The following COL26A1 variants were observed in gnomAD, a reference collection of about 807,000 sequenced individuals.
COL26A1 encodes the protein collagen type XXVI alpha 1 chain.
In COL26A1, 41 loss-of-function variants were observed where a neutral mutation model predicts 59.3. The observed-to-expected ratio is 0.69, with a 90% CI of 0.54 to 0.90. The LOEUF (loss-of-function observed/expected upper bound fraction) is 0.90. COL26A1 is among the 40% of genes least tolerant of loss of function. The pLI is 0.00. For synonymous variants in COL26A1, 266 were observed against 256.0 expected, an observed-to-expected ratio of 1.04 and a Z score of -0.37; for missense variants, 612 against 602.3, an observed-to-expected ratio of 1.02 and a Z score of -0.17.
intron 3 of COL26A1, among the ~76,000 whole-genome samples, chr7:101,494,213 G>T (rs1794532559): frequency 6.6e-6 from 1 of 151,492 alleles, no homozygotes; most frequent in Non-Finnish European, 1.5e-5. Flanking sequence ...TGCAAACTCC[G>T]CTGTCTGGCT....
Position 101,381,612 on chromosome 7 carries a change from G to A in COL26A1, c.158+18422G>A, listed in dbSNP as rs920855295. Among the ~76,000 whole-genome samples, 7 of 152,290 alleles carry A rather than the reference G, an allele frequency of 4.6e-5. No individual in the cohort carries two copies. The East Asian group carries it at 5.8e-4, about 13-fold the overall frequency. ...GGGCAAAGAGAGGGAGAGAAAGAGCGAGAGATTAAACTCTAAGCCTCAAGC... is the reference window on the plus strand; with the variant it reads ...GGGCAAAGAGAGGGAGAGAAAGAGCAAGAGATTAAACTCTAAGCCTCAAGC... On this transcript the variant is annotated intron_variant, in intron 1 of 12. Coordinates refer to ENST00000313669, the MANE Select transcript of COL26A1 (RefSeq NM_001278563.3).
chr7:101,429,588 ACT>A (rs1792729554), intron 2 of COL26A1, among the ~76,000 whole-genome samples: 2 of 49,890 alleles, frequency 4.0e-5, no homozygotes, highest in South Asian at 6.0e-4. Context: ...TTTCTTTTTT[ACT>A]TTTTTTTTTT....
At chr7:101,363,468 TGG>T (rs1790953891) in intron 1 of COL26A1, among the ~76,000 whole-genome samples, 1 of 73,876 alleles carries the variant, frequency 1.4e-5, no homozygotes, top group Non-Finnish European at 2.5e-5. Context: ...TGGCGGTGGC[TGG>T]GGGTTGGGGT....
chr7:101,528,737 C>T (rs2130629659), intron 3 of COL26A1, among the ~76,000 whole-genome samples: 1 of 152,254 alleles, frequency 6.6e-6, no homozygotes, highest in East Asian at 1.9e-4. Flanking sequence ...TTTGTACAGA[C>T]AGGGTCTCAC....
intron 3 of COL26A1, among the ~76,000 whole-genome samples, chr7:101,451,806 G>A (rs893562155): frequency 6.6e-6 from 1 of 151,146 alleles, no homozygotes; most frequent in African/African-American, 2.4e-5. Context: ...CTGGGTTCAA[G>A]CGATTGTCCC....
intron 3 of COL26A1, among the ~76,000 whole-genome samples, chr7:101,491,686 G>GT (rs991584969): frequency 6.6e-6 from 1 of 152,164 alleles, no homozygotes; most frequent in Admixed American, 6.5e-5. Context: ...CATGGTGCTG[G>GT]TGGGAGTGTA....
chr7:101,465,236 C>T lies in COL26A1; in HGVS notation c.385+17449C>T, dbSNP rs368577271. ...TAAATTTTTCACAGAGGTAGGTTCT[C>T]GCTATGTTGCTGAGGCTGCTCTCCA... On this transcript the variant is annotated intron_variant, in intron 3 of 12. Coordinates refer to ENST00000313669, the MANE Select transcript of COL26A1 (RefSeq NM_001278563.3). Among the ~76,000 whole-genome samples, 47 of 152,006 alleles carry T rather than the reference C, an allele frequency of 3.1e-4. No individual in the cohort carries two copies. In the South Asian group the frequency reaches 8.9e-3, roughly 29 times the overall value.
chr7:101,474,974 C>G (rs1243822019), intron 3 of COL26A1, among the ~76,000 whole-genome samples: 1 of 152,166 alleles, frequency 6.6e-6, no homozygotes, highest in African/African-American at 2.4e-5. Context: ...GGGTGGATCC[C>G]TTGAGGTTAG....
intron 2 of COL26A1, among the ~76,000 whole-genome samples, chr7:101,442,178 C>T (rs981708282): frequency 1.3e-5 from 2 of 152,092 alleles, no homozygotes; most frequent in South Asian, 2.1e-4. Context: ...TCTGGTCTCT[C>T]GTAGTCGGAA....
chr7:101,520,633 TACACACAC>T (rs3073377), intron 3 of COL26A1, among the ~76,000 whole-genome samples: 16 of 137,236 alleles, frequency 1.2e-4, no homozygotes, highest in Non-Finnish European at 2.0e-4. Flanking sequence ...CACAGACACA[TACACACAC>T]ACACACACAC....
intron 1 of COL26A1, among the ~76,000 whole-genome samples, chr7:101,401,817 CA>C (rs1792014939): frequency 6.6e-6 from 1 of 151,988 alleles, no homozygotes; most frequent in East Asian, 1.9e-4. Context: ...GACCCTGCAG[CA>C]ATTTCCCAAC....
At chr7:101,472,703 A>G (rs551121147) in intron 3 of COL26A1, among the ~76,000 whole-genome samples, 2 of 152,280 alleles carry the variant, frequency 1.3e-5, no homozygotes, top group South Asian at 4.1e-4. Flanking sequence ...CAACTGTTCC[A>G]CCATCAAATC....
chr7:101,383,127 T>A (rs1171561220), intron 1 of COL26A1, among the ~76,000 whole-genome samples: 2 of 149,550 alleles, frequency 1.3e-5, no homozygotes, highest in African/African-American at 5.1e-5. Context: ...TGACTCAGAG[T>A]TTTTTAGACT....
rs946439433 is a variant in COL26A1, at chr7:101,527,488, C to T, written c.386-5594C>T. On this transcript the variant is annotated intron_variant, in intron 3 of 12. Coordinates refer to ENST00000313669, the MANE Select transcript of COL26A1 (RefSeq NM_001278563.3). ...GATTACAGGCACGCACCACCACGTC[C>T]AGCTGATTTTTTTTTTTTTGTATTT... Among the ~76,000 whole-genome samples, 4 of 144,834 alleles carry T rather than the reference C, an allele frequency of 2.8e-5. No homozygotes were observed. In the South Asian group the frequency reaches 6.7e-4, roughly 24 times the overall value.
At chr7:101,474,069 G>T (rs116635723) in intron 3 of COL26A1, among the ~76,000 whole-genome samples, 254 of 152,282 alleles carry the variant, frequency 1.7e-3, no homozygotes, top group African/African-American at 6.0e-3. Context: ...ATGTACGGCT[G>T]GCAAAGCCCT....
At chr7:101,503,963 C>T (rs1009471278) in intron 3 of COL26A1, among the ~76,000 whole-genome samples, 15 of 152,318 alleles carry the variant, frequency 9.8e-5, no homozygotes, top group Middle Eastern at 6.8e-3. Flanking sequence ...CCATGTGTCA[C>T]GCCTGAGCTG....
At chr7:101,410,363 G>T (rs937884903) in intron 1 of COL26A1, among the ~76,000 whole-genome samples, 1 of 152,166 alleles carries the variant, frequency 6.6e-6, no homozygotes, top group African/African-American at 2.4e-5. Flanking sequence ...TTGTTTTACC[G>T]TACCTGCATC....
intron 3 of COL26A1, among the ~76,000 whole-genome samples, chr7:101,465,461 T>G (rs1407719104): frequency 6.6e-6 from 1 of 151,672 alleles, no homozygotes; most frequent in Non-Finnish European, 1.5e-5. Context: ...AGATTACAGG[T>G]GTGAGCCACT....
chr7:101,461,664 C>G (rs148918441), intron 3 of COL26A1, among the ~76,000 whole-genome samples: 156 of 152,306 alleles, frequency 1.0e-3, no homozygotes, highest in African/African-American at 3.7e-3. Context: ...AGGTCACACA[C>G]CTTACCTTTC....
Sources: gnomAD v4.1 joint callset for allele counts (sites outside exome capture counted in the v4.1 genomes callset) on GRCh38, gnomAD v4.1.1 for gene constraint, MANE v1.5 for transcripts, NCBI Gene and HGNC (gene_info 2026-07-23, HGNC 2026-07-21) for gene names.